Variants in ARB2A observed in about 807,000 individuals in gnomAD.
ARB2A encodes the protein ARB2 cotranscriptional regulator A, also known as cotranscriptional regulator ARB2A.
chr5:93,719,990 G>GT, the ARB2A span, among the ~76,000 whole-genome samples: 1 of 152,056 alleles, frequency 6.6e-6, no homozygotes, highest in African/African-American at 2.4e-5. Flanking sequence ...CATTTTTGCT[G>GT]TTTTCCCTTA....
the ARB2A span, among the ~76,000 whole-genome samples, chr5:93,660,084 A>C: frequency 6.6e-6 from 1 of 152,056 alleles, no homozygotes; most frequent in Admixed American, 6.6e-5. Context: ...AGCATATAAC[A>C]GGAATTTAAA....
chr5:93,639,680 C>A, the ARB2A span, among the ~76,000 whole-genome samples: 5 of 151,880 alleles, frequency 3.3e-5, no homozygotes, highest in Admixed American at 6.6e-5. Flanking sequence ...CTACTTAATC[C>A]TGGGATAATA....
the ARB2A span, among the ~76,000 whole-genome samples, chr5:93,632,216 A>G: frequency 6.6e-6 from 1 of 152,140 alleles, no homozygotes; most frequent in Non-Finnish European, 1.5e-5. Context: ...ATGTGAAGAG[A>G]ATGAAGGGGA....
At chr5:93,765,404 G>A in the ARB2A span, among the ~76,000 whole-genome samples, 13 of 152,098 alleles carry the variant, frequency 8.5e-5, no homozygotes, top group Admixed American at 8.5e-4. Flanking sequence ...ACCAATAACA[G>A]ACAAACAGAG....
At chr5:94,063,550 C>T in the ARB2A span, among the ~76,000 whole-genome samples, 1 of 152,172 alleles carries the variant, frequency 6.6e-6, no homozygotes, top group Non-Finnish European at 1.5e-5. Context: ...ACCTAGAGAT[C>T]CAACAATCAA....
chr5:94,089,432 G>A, the ARB2A span, among the ~76,000 whole-genome samples: 10 of 152,202 alleles, frequency 6.6e-5, no homozygotes, highest in South Asian at 2.1e-4. Flanking sequence ...CTAGAAGACC[G>A]CAGGTACTAT....
the ARB2A span, among the ~76,000 whole-genome samples, chr5:93,834,880 G>C: frequency 1.3e-5 from 2 of 152,042 alleles, no homozygotes; most frequent in African/African-American, 4.8e-5. Context: ...AATAGGAAAG[G>C]CTTTCTAATA....
the ARB2A span, among the ~76,000 whole-genome samples, chr5:93,950,837 G>A: frequency 5.3e-5 from 8 of 151,662 alleles, no homozygotes; most frequent in East Asian, 7.8e-4. Context: ...CCAGCTACTC[G>A]GGAGGCTGAG....
chr5:93,834,745 C>T, the ARB2A span, among the ~76,000 whole-genome samples: 42 of 152,054 alleles, frequency 2.8e-4, no homozygotes, highest in African/African-American at 7.5e-4. Flanking sequence ...GCTATTCCAA[C>T]GCAAATTTGT....
chr5:93,926,040 G>A, the ARB2A span, among the ~76,000 whole-genome samples: 6 of 152,116 alleles, frequency 3.9e-5, no homozygotes, highest in South Asian at 1.2e-3. Flanking sequence ...ATACATTGAA[G>A]ATATCATCCA....
chr5:93,890,684 T>C, the ARB2A span, among the ~76,000 whole-genome samples: 1 of 152,036 alleles, frequency 6.6e-6, no homozygotes, highest in African/African-American at 2.4e-5. Flanking sequence ...AAGCCATGCA[T>C]AGTTCTAAGC....
the ARB2A span, among the ~76,000 whole-genome samples, chr5:93,889,199 GTAAGT>G: frequency 1.3e-5 from 2 of 151,686 alleles, no homozygotes; most frequent in African/African-American, 4.8e-5. Context: ...ACTTTAAATG[GTAAGT>G]TAAGTTTGTG....
chr5:94,089,147 C>T, the ARB2A span, among the ~76,000 whole-genome samples: 92 of 152,224 alleles, frequency 6.0e-4, no homozygotes, highest in Middle Eastern at 3.4e-3. Flanking sequence ...TTGTCTGAAC[C>T]AAACATTTTG....
the ARB2A span, among the ~76,000 whole-genome samples, chr5:94,085,034 A>T: frequency 9.8e-5 from 15 of 152,344 alleles, no homozygotes; most frequent in African/African-American, 3.4e-4. Flanking sequence ...AGTTAAAAAG[A>T]ATGCAGAATA....
At chr5:93,859,046 T>A in the ARB2A span, among the ~76,000 whole-genome samples, 3 of 152,108 alleles carry the variant, frequency 2.0e-5, no homozygotes, top group African/African-American at 7.2e-5. Context: ...CACTGGCACA[T>A]GTAGATAGAC....
At chr5:93,829,055 G>T in the ARB2A span, among the ~76,000 whole-genome samples, 17 of 152,256 alleles carry the variant, frequency 1.1e-4, no homozygotes, top group African/African-American at 3.6e-4. Flanking sequence ...GGGATTACAG[G>T]CATGAGCCAC....
chr5:94,041,579 C>A, the ARB2A span, among the ~76,000 whole-genome samples: 5 of 151,994 alleles, frequency 3.3e-5, no homozygotes, highest in Admixed American at 6.6e-5. Context: ...AGTGTAATGC[C>A]TTTTATTTAG....
chr5:93,699,675 C>G, the ARB2A span, among the ~76,000 whole-genome samples: 1 of 152,094 alleles, frequency 6.6e-6, no homozygotes, highest in Non-Finnish European at 1.5e-5. Context: ...TGCTCAGACA[C>G]TACCTTCACA....
At chr5:93,903,261 T>C in the ARB2A span, among the ~76,000 whole-genome samples, 1 of 152,070 alleles carries the variant, frequency 6.6e-6, no homozygotes, top group Non-Finnish European at 1.5e-5. Flanking sequence ...TTTGACTATA[T>C]ACAATTGGGG....
Sources: allele counts gnomAD v4.1 joint callset (sites outside exome capture counted in the v4.1 genomes callset), GRCh38; gene constraint gnomAD v4.1.1; transcripts MANE v1.5; gene names NCBI Gene and HGNC (gene_info 2026-07-23, HGNC 2026-07-21).